Variants in IL2RB observed in about 807,000 individuals in gnomAD.
IL2RB encodes interleukin-2 receptor subunit beta.
IL2RB carries 17 observed loss-of-function variants against 44.2 expected under a neutral mutation model. That is an observed-to-expected ratio of 0.38 (90% CI 0.26 to 0.58). The LOEUF (loss-of-function observed/expected upper bound fraction) is 0.58, where lower values mean the gene tolerates loss of function less well. Ranked by LOEUF, IL2RB falls within the 20% of genes least tolerant of loss-of-function variation. The pLI is 0.63. For synonymous variants in IL2RB, 286 were observed against 297.9 expected (o/e 0.96, Z 0.41); for missense variants, 624 against 685.5 (o/e 0.91, Z 1.00).
At position 37,141,513 on chromosome 22, in the gene IL2RB, C is replaced by T. The variant is rs1298337633; in HGVS notation, c.282+921G>A. ...GAGTCGGGGACAAGCGGGACCCCTG[C>T]CCCTTCCGAGGTAGCCAGGAGCTCT... On this transcript the variant is annotated intron_variant, in intron 4 of 9. Coordinates refer to ENST00000216223, the MANE Select transcript of IL2RB (RefSeq NM_000878.5). This position sits in a 1 kb window ranked among gnomAD's most constrained non-coding sequence, Gnocchi z 4.4. Among the ~76,000 whole-genome samples, 3 of 152,012 alleles carry T rather than the reference C, an allele frequency of 2.0e-5. No individual in the cohort carries two copies. Among genetic ancestry groups the T allele is most frequent in the African/African-American group, 7.2e-5 (3 of 41,394 alleles).
At chr22:37,137,478 A>G (rs1921764028) in intron 6 of IL2RB, 109 bp downstream of exon 6, 1 of 1,171,820 alleles carries the variant, frequency 8.5e-7, no homozygotes, top group Non-Finnish European at 1.2e-6. Context: ...TCAGCCACCC[A>G]CCATCCACCT....
Position 37,127,993 on chromosome 22 carries a change from G to A in IL2RB, c.*103C>T. On this transcript the variant is annotated 3_prime_UTR_variant, in exon 10 of 10. Coordinates refer to ENST00000216223, the MANE Select transcript of IL2RB (RefSeq NM_000878.5). ...CGGGTGGAGAAGTCCAGCTGCAACT[G>A]GACACTGAGTGTCCTCAGCAGTGGA... The A allele has an allele frequency of 2.1e-6, 2 of 965,438 alleles. No homozygotes were observed. Among genetic ancestry groups the A allele is most frequent in the Non-Finnish European group, 2.8e-6 (2 of 705,994 alleles). 59.8% of individuals were successfully genotyped at this position (965,438 alleles called of 1,614,324 possible). A position where few individuals can be genotyped will look rare whatever the true frequency, so the allele number is the denominator to read the frequency against.
chr22:37,169,524 C>T (rs985773861), intron 1 of IL2RB, among the ~76,000 whole-genome samples: 1 of 152,182 alleles, frequency 6.6e-6, no homozygotes, highest in African/African-American at 2.4e-5. Context: ...CCCCACTGCC[C>T]TCAAGACCCT....
chr22:37,139,517 C>G (rs1289177636), intron 4 of IL2RB, among the ~76,000 whole-genome samples: 1 of 152,146 alleles, frequency 6.6e-6, no homozygotes, highest in Non-Finnish European at 1.5e-5. Flanking sequence ...GAAACACAGG[C>G]AGTGGGCTGG....
chr22:37,155,225 C>G (rs117612671), intron 1 of IL2RB, among the ~76,000 whole-genome samples: 4 of 152,224 alleles, frequency 2.6e-5, no homozygotes, highest in African/African-American at 9.6e-5. Flanking sequence ...TGCTCAGAGC[C>G]GTGTCATCTC....
rs530139776 is a variant in IL2RB, at chr22:37,168,286, T to C, written c.-34+6672A>G. Among the ~76,000 whole-genome samples the C allele has an allele frequency of 2.6e-5, 4 of 152,302 alleles. No homozygotes were observed. In the South Asian group the frequency reaches 8.3e-4, roughly 32 times the overall value. On this transcript the variant is annotated intron_variant, in intron 1 of 5. Coordinates refer to the IL2RB transcript ENST00000429622. ...GCAGTTTTGTCTTTAGAAAATGTGGTCATAATGAGTATGAGAGGCATAGAG... is the reference window on the plus strand; with the variant it reads ...GCAGTTTTGTCTTTAGAAAATGTGGCCATAATGAGTATGAGAGGCATAGAG...
chr22:37,151,283 T>A (rs1922476287), upstream of IL2RB, among the ~76,000 whole-genome samples: 1 of 152,250 alleles, frequency 6.6e-6, no homozygotes, highest in African/African-American at 2.4e-5. Flanking sequence ...TGAGGTGAGA[T>A]AATATCTCAT....
intron 1 of IL2RB, among the ~76,000 whole-genome samples, chr22:37,173,281 G>A (rs1052388464): frequency 6.6e-6 from 1 of 152,174 alleles, no homozygotes; most frequent in Non-Finnish European, 1.5e-5. Context: ...CTGAAGCCCT[G>A]CTGTGACTGT....
chr22:37,153,123 C>T (rs1458044960), upstream of IL2RB, among the ~76,000 whole-genome samples: 4 of 151,926 alleles, frequency 2.6e-5, no homozygotes, highest in Admixed American at 6.6e-5. Flanking sequence ...TCAGTAGAGA[C>T]GGGGTTTCCC....
At chr22:37,154,502 T>C (rs1289147334), upstream of IL2RB, among the ~76,000 whole-genome samples, 3 of 152,104 alleles carry the variant, frequency 2.0e-5, no homozygotes, top group East Asian at 5.8e-4. Context: ...TGATTTATTC[T>C]ACTTCTAGGC....
At chr22:37,154,581 T>TTC (rs995058204), upstream of IL2RB, among the ~76,000 whole-genome samples, 6 of 151,390 alleles carry the variant, frequency 4.0e-5, no homozygotes, top group African/African-American at 1.5e-4. Context: ...TTTTCTTTTT[T>TTC]TTTTTTTGTT....
rs1012286746 is a variant in IL2RB, at chr22:37,157,600, A to G, written c.-33-13395T>C. Reference sequence around the variant, plus strand: ...ACATAAGATTTACAGTGATATTCCTAGGACAAAGTTGGTCACCATATTCCC... The same window carrying G: ...ACATAAGATTTACAGTGATATTCCTGGGACAAAGTTGGTCACCATATTCCC... On this transcript the variant is annotated intron_variant, in intron 1 of 5. Coordinates refer to the IL2RB transcript ENST00000429622. 2.0e-5 allele frequency among the ~76,000 whole-genome samples: 3 copies of G among 152,188 alleles called. No homozygotes were observed. In the South Asian group the frequency reaches 6.2e-4, roughly 31 times the overall value.
intron 8 of IL2RB, 83 bp from the exon 9 acceptor site, chr22:37,132,551 GC>G: frequency 1.0e-6 from 1 of 954,548 alleles, no homozygotes. Context: ...AGCTCTGGAT[GC>G]CAGGCACGGA....
rs76794334 is a variant in IL2RB, at chr22:37,127,796, G to C, written c.*300C>G. 1.3e-3 allele frequency: 356 copies of C among 269,372 alleles called. 5 individuals carry two copies. In the East Asian group the frequency reaches 0.019, roughly 15 times the overall value. 16.7% of individuals were successfully genotyped at this position (269,372 alleles called of 1,614,324 possible). ...GGTGAATAGCTGCAGGGCTGGAGAGGAGCGATGCTTCTGAGCCTAAATTCG... is the reference window on the plus strand; with the variant it reads ...GGTGAATAGCTGCAGGGCTGGAGAGCAGCGATGCTTCTGAGCCTAAATTCG... On this transcript the variant is annotated 3_prime_UTR_variant, in exon 10 of 10. Coordinates refer to ENST00000216223, the MANE Select transcript of IL2RB (RefSeq NM_000878.5).
chr22:37,136,147 G>T lies in IL2RB; in HGVS notation c.703+81C>A, dbSNP rs977743790. ...GCTGACTGCTATACCCTCACCCCAG[G>T]CAGGGAGAGAATGGAGCAGCTCCTC... On this transcript the variant is annotated intron_variant, in intron 7 of 9. Transcript: ENST00000216223. The T allele has an allele frequency of 2.1e-5, 30 of 1,435,158 alleles. No individual in the cohort carries two copies. The East Asian group carries it at 6.4e-4, about 31-fold the overall frequency. The allele number at this position is 1,435,158 out of a possible 1,614,324, so 88.9% of individuals were successfully genotyped here. A position where few individuals can be genotyped will look rare whatever the true frequency, so the allele number is the denominator to read the frequency against.
chr22:37,151,952 C>T (rs12161002), upstream of IL2RB, among the ~76,000 whole-genome samples: 211 of 152,286 alleles, frequency 1.4e-3, no homozygotes, highest in Admixed American at 4.5e-3. Context: ...GCTAGCGCCA[C>T]GCTGTTTTGG....
intron 6 of IL2RB, among the ~76,000 whole-genome samples, chr22:37,136,914 G>A (rs3218355): frequency 0.017 from 2,520 of 152,312 alleles, 28 homozygotes; most frequent in Non-Finnish European, 0.026. Context: ...GCTCCTTCTG[G>A]ACACCCAGGT....
intron 1 of IL2RB, chr22:37,166,831 G>A (rs1241793242): frequency 6.6e-6 from 1 of 152,122 alleles, no homozygotes; most frequent in Admixed American, 6.6e-5. Flanking sequence ...GTGCCCACAG[G>A]ACAAGCAGGG....
chr22:37,161,200 T>C (rs1601612025), intron 1 of IL2RB, among the ~76,000 whole-genome samples: 1 of 152,200 alleles, frequency 6.6e-6, no homozygotes, highest in Non-Finnish European at 1.5e-5. Context: ...CCATTAATTC[T>C]AACTTAAACA....
Sources: gnomAD v4.1 joint callset for allele counts (sites outside exome capture counted in the v4.1 genomes callset) on GRCh38, gnomAD v4.1.1 for gene constraint, Gnocchi (gnomAD v3.1) non-coding constraint, MANE v1.5 for transcripts, NCBI Gene and HGNC (gene_info 2026-07-23, HGNC 2026-07-21) for gene names.